The following PHF12 variants were observed in gnomAD, a reference collection of about 807,000 sequenced individuals.
PHF12 encodes PHD factor 1.
A neutral mutation model predicts 99.8 loss-of-function variants in PHF12; 6 were observed. The ratio of observed to expected loss-of-function variants is 0.06; its 90% confidence interval spans 0.03 to 0.12. The LOEUF (loss-of-function observed/expected upper bound fraction) is 0.12. Ranked by LOEUF, PHF12 falls within the 10% of genes least tolerant of loss-of-function variation. The pLI, the probability that PHF12 is intolerant of heterozygous loss-of-function variation, is 1.00. For missense variants in PHF12, 954 were observed against 1,300.1 expected (o/e 0.73, Z 4.09); for synonymous variants, 480 against 514.9 (o/e 0.93, Z 0.92).
chr17:28,914,045 G>C lies in PHF12; in HGVS notation c.1135-8C>G. ...TTTTATAGCATCAGGAACCTGTTCA[G>C]GATAGATAGAAGGAGGAAGGAGAGG... On this transcript the variant is annotated splice_region_variant and splice_polypyrimidine_tract_variant and intron_variant, in intron 7 of 14. Transcript: ENST00000332830. 6.3e-7 allele frequency: 1 copy of C among 1,594,506 alleles called. No homozygotes were observed. Among genetic ancestry groups the C allele is most frequent in the Non-Finnish European group, 8.6e-7 (1 of 1,164,004 alleles).
chr17:28,933,494 TTTG>T (rs570262083), intron 2 of PHF12, among the ~76,000 whole-genome samples: 32 of 152,320 alleles, frequency 2.1e-4, no homozygotes, highest in Non-Finnish European at 2.6e-4. Context: ...CTAAGCTATT[TTTG>T]TTGTTGTTGT....
intron 2 of PHF12, among the ~76,000 whole-genome samples, chr17:28,946,605 T>C (rs952142043): frequency 3.3e-5 from 5 of 152,222 alleles, no homozygotes; most frequent in Admixed American, 6.5e-5. Flanking sequence ...CAAGGAATAC[T>C]AGAGACTGAA....
intron 8 of PHF12, among the ~76,000 whole-genome samples, 182 bp from the exon 9 acceptor site, chr17:28,913,459 G>A (rs984302963): frequency 2.0e-5 from 3 of 152,118 alleles, no homozygotes; most frequent in African/African-American, 7.2e-5. Context: ...AGACTTATAG[G>A]TACCCTCAGC....
intron 2 of PHF12, among the ~76,000 whole-genome samples, chr17:28,937,093 C>G (rs532042107): frequency 1.3e-5 from 2 of 152,246 alleles, no homozygotes; most frequent in African/African-American, 4.8e-5. Flanking sequence ...AACTTATGTC[C>G]TGGAAAAGCT....
chr17:28,911,514 G>T, intron 9 of PHF12: 1 of 393,652 alleles, frequency 2.5e-6, no homozygotes, highest in South Asian at 3.8e-5. Context: ...CATTCTTTGG[G>T]CCATGACCAC....
chr17:28,949,904 C>G lies in PHF12; in HGVS notation c.248+161G>C, dbSNP rs1163735888. On this transcript the variant is annotated intron_variant, in intron 2 of 14. Transcript: ENST00000332830. This position sits in a 1 kb window ranked among gnomAD's most constrained non-coding sequence, Gnocchi z 4.6. Reference sequence around the variant, plus strand: ...TCCTCCCCGCTAAACTGCCAGAACCCGGCGGACACCTGGGGGCGGGGAGGT... The same window carrying G: ...TCCTCCCCGCTAAACTGCCAGAACCGGGCGGACACCTGGGGGCGGGGAGGT... 4 of 799,004 alleles carry G rather than the reference C, an allele frequency of 5.0e-6. No individual in the cohort carries two copies. The East Asian group carries it at 8.4e-5, about 17-fold the overall frequency. 49.5% of individuals were successfully genotyped at this position (799,004 alleles called of 1,614,324 possible).
rs1311509286 is a variant in PHF12 at position 28,949,501 on chromosome 17, G to C, written c.248+564C>G. Among the ~76,000 whole-genome samples, 8 of 152,344 alleles carry C rather than the reference G, an allele frequency of 5.3e-5. No homozygotes were observed. The East Asian group carries it at 5.8e-4, about 11-fold the overall frequency. On this transcript the variant is annotated intron_variant, in intron 2 of 14. Transcript: ENST00000332830. The surrounding 1 kb of genome is among the most constrained non-coding windows in gnomAD (Gnocchi z 4.6). ...TCATATATGCAGCCAAAATGGCGCTGAGAATAAAAATATAATTTAAAGGCA... is the reference window on the plus strand; with the variant it reads ...TCATATATGCAGCCAAAATGGCGCTCAGAATAAAAATATAATTTAAAGGCA...
chr17:28,932,396 A>G (rs2040429801), intron 2 of PHF12, among the ~76,000 whole-genome samples: 1 of 152,132 alleles, frequency 6.6e-6, no homozygotes, highest in African/African-American at 2.4e-5. Flanking sequence ...TGCCTTCCAA[A>G]GTGCTGGGAT....
chr17:28,909,951 C>T, intron 11 of PHF12: 1 of 629,722 alleles, frequency 1.6e-6, no homozygotes, highest in Non-Finnish European at 2.8e-6. Flanking sequence ...CTACATATAC[C>T]CAAAGGTACT....
At position 28,923,823 on chromosome 17, in the gene PHF12, C is replaced by G. The variant is rs929109530; in HGVS notation, c.715+86G>C. On this transcript the variant is annotated intron_variant, in intron 4 of 14. Coordinates refer to ENST00000332830, the MANE Select transcript of PHF12 (RefSeq NM_001033561.2). ...GAACCCAAGACAGTAGCTACATGAA[C>G]AGTGACTCCACAGGCAGCACTGCTC... 1.3e-4 allele frequency: 193 copies of G among 1,449,940 alleles called. 1 individual carries two copies. Among genetic ancestry groups the G allele is most frequent in the Admixed American group, 5.9e-4 (23 of 39,296 alleles). 89.8% of individuals were successfully genotyped at this position (1,449,940 alleles called of 1,614,324 possible).
chr17:28,909,331 T>C (rs1373672111), intron 11 of PHF12: 2 of 158,034 alleles, frequency 1.3e-5, no homozygotes, highest in Admixed American at 6.2e-5. Flanking sequence ...TCTTTTGCTG[T>C]TTTCTTTAAA....
intron 2 of PHF12, among the ~76,000 whole-genome samples, chr17:28,948,427 G>A (rs1369836250): frequency 1.3e-5 from 2 of 152,198 alleles, no homozygotes; most frequent in Non-Finnish European, 2.9e-5. Context: ...AGGAAGTAAA[G>A]GCTAAAAACC....
At chr17:28,914,173 G>T in intron 7 of PHF12, 136 bp from the exon 8 acceptor site, 1 of 1,002,680 alleles carries the variant, frequency 1.0e-6, no homozygotes, top group East Asian at 2.7e-5. Flanking sequence ...CTGAGGAAAA[G>T]GAGGCTCAGA....
intron 11 of PHF12, chr17:28,909,126 A>G: frequency 2.0e-6 from 1 of 500,586 alleles, no homozygotes; most frequent in Admixed American, 3.3e-5. Context: ...CAGAGATGAC[A>G]GTACTGTGTA....
chr17:28,921,250 A>C (rs1042401316), intron 5 of PHF12, among the ~76,000 whole-genome samples: 7 of 152,252 alleles, frequency 4.6e-5, no homozygotes, highest in South Asian at 2.1e-4. Flanking sequence ...TGGCGTGATC[A>C]CAGTTTAGCC....
intron 4 of PHF12, among the ~76,000 whole-genome samples, chr17:28,923,343 A>T (rs1473108551): frequency 1.4e-5 from 1 of 71,546 alleles, no homozygotes; most frequent in Non-Finnish European, 2.6e-5. Flanking sequence ...ATGTGAATGT[A>T]TAATACTTTT....
intron 2 of PHF12, among the ~76,000 whole-genome samples, chr17:28,939,757 TA>T (rs1483098018): frequency 2.0e-5 from 3 of 152,170 alleles, no homozygotes; most frequent in Non-Finnish European, 4.4e-5. Flanking sequence ...CATAGCTGAG[TA>T]AAAAAGATGC....
intron 3 of PHF12, chr17:28,926,694 T>C (rs1459360273): frequency 2.8e-6 from 3 of 1,079,858 alleles, no homozygotes; most frequent in Admixed American, 5.8e-5. Context: ...TTTTCAGCCA[T>C]GGATAAGGCC....
At chr17:28,921,639 A>G (rs776640160) in intron 5 of PHF12, 49 bp downstream of exon 5, 1 of 1,596,914 alleles carries the variant, frequency 6.3e-7, no homozygotes, top group South Asian at 1.1e-5. Context: ...GAGAAAAAGT[A>G]TCATCTGCTA....
Sources: allele counts gnomAD v4.1 joint callset (sites outside exome capture counted in the v4.1 genomes callset), GRCh38; gene constraint gnomAD v4.1.1; non-coding constraint Gnocchi (gnomAD v3.1); transcripts MANE v1.5; gene names NCBI Gene and HGNC (gene_info 2026-07-23, HGNC 2026-07-21).